The following RCSD1 variants were observed in gnomAD, a reference collection of about 807,000 sequenced individuals.
RCSD1 encodes capZ-interacting protein.
RCSD1 carries 26 observed loss-of-function variants against 42.5 expected under a neutral mutation model. The observed-to-expected ratio is 0.61, with a 90% confidence interval of 0.45 to 0.85. The LOEUF (loss-of-function observed/expected upper bound fraction) is 0.85, where lower values mean the gene tolerates loss of function less well. Ranked by LOEUF, RCSD1 falls within the 40% of genes least tolerant of loss-of-function variation. RCSD1 has a pLI of 0.00. For missense variants in RCSD1, 571 were observed against 528.3 expected (o/e 1.08, Z -0.79); for synonymous variants, 220 against 212.2 (o/e 1.04, Z -0.32).
intron 4 of RCSD1, among the ~76,000 whole-genome samples, chr1:167,690,491 T>G (rs1659348748): frequency 6.6e-6 from 1 of 152,016 alleles, no homozygotes; most frequent in Non-Finnish European, 1.5e-5. Flanking sequence ...CTGGGCAACA[T>G]AGTGAGACAC....
At chr1:167,646,363 C>A (rs1244269433) in intron 1 of RCSD1, among the ~76,000 whole-genome samples, 2 of 151,194 alleles carry the variant, frequency 1.3e-5, no homozygotes, top group African/African-American at 4.9e-5. Context: ...CGGGACAGCC[C>A]TCACATTTGA....
At chr1:167,644,761 G>A (rs1658092327) in intron 1 of RCSD1, among the ~76,000 whole-genome samples, 1 of 152,174 alleles carries the variant, frequency 6.6e-6, no homozygotes, top group Non-Finnish European at 1.5e-5. Context: ...TGAACAGGGT[G>A]GGATTCGGAG....
At chr1:167,631,857 A>C (rs997407392) in intron 1 of RCSD1, among the ~76,000 whole-genome samples, 1 of 152,204 alleles carries the variant, frequency 6.6e-6, no homozygotes. Flanking sequence ...AAGGGGCAAT[A>C]AGTTTGTCCT....
At chr1:167,652,617 A>G (rs1658338584) in intron 1 of RCSD1, among the ~76,000 whole-genome samples, 1 of 152,246 alleles carries the variant, frequency 6.6e-6, no homozygotes, top group Non-Finnish European at 1.5e-5. Flanking sequence ...GCTAATGAAC[A>G]GTACCTTTTT....
intron 1 of RCSD1, among the ~76,000 whole-genome samples, chr1:167,657,270 T>C (rs1014042309): frequency 1.3e-5 from 2 of 152,230 alleles, no homozygotes; most frequent in Admixed American, 6.5e-5. Context: ...TCTATGCTTG[T>C]TTGTCCAAGA....
intron 6 of RCSD1, among the ~76,000 whole-genome samples, chr1:167,702,086 C>T (rs1159113690): frequency 6.6e-6 from 1 of 152,230 alleles, no homozygotes; most frequent in African/African-American, 2.4e-5. Flanking sequence ...CCCGTTATCC[C>T]TACCACTATG....
At chr1:167,655,223 G>A (rs945879687) in intron 1 of RCSD1, among the ~76,000 whole-genome samples, 6 of 152,260 alleles carry the variant, frequency 3.9e-5, no homozygotes, top group Admixed American at 1.3e-4. Context: ...TTAGGCATCC[G>A]GATAGCTTGT....
intron 3 of RCSD1, among the ~76,000 whole-genome samples, chr1:167,688,194 T>C (rs937796540): frequency 1.3e-5 from 2 of 152,316 alleles, no homozygotes; most frequent in African/African-American, 4.8e-5. Flanking sequence ...GAGCATCAGC[T>C]GGGTCCCCAG....
intron 4 of RCSD1, among the ~76,000 whole-genome samples, chr1:167,690,889 C>G (rs1659359984): frequency 6.6e-6 from 1 of 152,174 alleles, no homozygotes; most frequent in African/African-American, 2.4e-5. Flanking sequence ...ACCAGTAACC[C>G]TGTGTGCCCA....
chr1:167,634,925 G>A (rs1657798116), intron 1 of RCSD1, among the ~76,000 whole-genome samples: 2 of 142,836 alleles, frequency 1.4e-5, no homozygotes, highest in Middle Eastern at 3.4e-3. Context: ...CAGACTGTCA[G>A]TATTACTATG....
chr1:167,634,158 T>A (rs1266605284), intron 1 of RCSD1, among the ~76,000 whole-genome samples: 1 of 152,220 alleles, frequency 6.6e-6, no homozygotes, highest in Non-Finnish European at 1.5e-5. Flanking sequence ...TCTCCACCTC[T>A]GGAAGGCTTC....
At chr1:167,682,999 T>C (rs918239989) in intron 1 of RCSD1, among the ~76,000 whole-genome samples, 1 of 152,158 alleles carries the variant, frequency 6.6e-6, no homozygotes, top group African/African-American at 2.4e-5. Context: ...AGAAACGAAC[T>C]GGCCATTTCC....
At chr1:167,658,314 G>A (rs192216179) in intron 1 of RCSD1, among the ~76,000 whole-genome samples, 1 of 152,310 alleles carries the variant, frequency 6.6e-6, no homozygotes, top group East Asian at 1.9e-4. Context: ...CACACAAGGG[G>A]TAAGTTTTCT....
At chr1:167,639,045 A>G (rs181620655) in intron 1 of RCSD1, among the ~76,000 whole-genome samples, 250 of 152,176 alleles carry the variant, frequency 1.6e-3, no homozygotes, top group Middle Eastern at 0.014. Flanking sequence ...ATAAAACCCC[A>G]TCTCTACTAA....
intron 5 of RCSD1, among the ~76,000 whole-genome samples, chr1:167,696,824 T>C (rs1289553170): frequency 6.6e-6 from 1 of 152,310 alleles, no homozygotes; most frequent in East Asian, 1.9e-4. Context: ...TACAGTGCAA[T>C]AAAATCATGA....
chr1:167,647,468 C>A (rs1484193446), intron 1 of RCSD1, among the ~76,000 whole-genome samples: 1 of 151,922 alleles, frequency 6.6e-6, no homozygotes. Flanking sequence ...TACCTGTAGT[C>A]CCAGTTATTC....
intron 1 of RCSD1, among the ~76,000 whole-genome samples, chr1:167,667,184 G>A (rs902919761): frequency 6.6e-6 from 1 of 152,156 alleles, no homozygotes; most frequent in East Asian, 1.9e-4. Flanking sequence ...CGCCTATCCC[G>A]TACTTTGGAT....
intron 1 of RCSD1, among the ~76,000 whole-genome samples, chr1:167,637,070 G>A (rs1657878539): frequency 6.6e-6 from 1 of 152,168 alleles, no homozygotes; most frequent in African/African-American, 2.4e-5. Flanking sequence ...CCACAGAGGA[G>A]GAGCATCAGC....
At chr1:167,634,450 C>G (rs1374453846) in intron 1 of RCSD1, among the ~76,000 whole-genome samples, 1 of 151,964 alleles carries the variant, frequency 6.6e-6, no homozygotes, top group Non-Finnish European at 1.5e-5. Context: ...CCACCACTCC[C>G]TAAGAAATAC....
Sources: allele counts gnomAD v4.1 joint callset (sites outside exome capture counted in the v4.1 genomes callset), GRCh38; gene constraint gnomAD v4.1.1; transcripts MANE v1.5; gene names NCBI Gene and HGNC (gene_info 2026-07-23, HGNC 2026-07-21).